COLQ: variants seen among roughly 807,000 people sequenced by gnomAD.
The protein encoded by COLQ is acetylcholinesterase collagenic tail peptide.
A neutral mutation model predicts 69.0 loss-of-function variants in COLQ; 48 were observed. That is an observed-to-expected ratio of 0.70 (90% confidence interval 0.55 to 0.88). The LOEUF is 0.88. Among genes scored for constraint, COLQ ranks in the 40% least tolerant of loss-of-function variants. The probability of loss-of-function intolerance (pLI) is 0.00; values close to 1 mark genes in which losing one functional copy is unlikely to be tolerated. For missense variants in COLQ, 618 were observed against 594.6 expected (o/e 1.04, Z -0.41); for synonymous variants, 217 against 211.2 (o/e 1.03, Z -0.24).
intron 14 of COLQ, among the ~76,000 whole-genome samples, 179 bp from the exon 15 acceptor site, chr3:15,456,198 G>C (rs991543462): frequency 1.3e-5 from 2 of 150,768 alleles, no homozygotes; most frequent in Admixed American, 1.3e-4. Flanking sequence ...TAAATGTTGG[G>C]TCAGATCAAG....
chr3:15,452,577 C>G (rs1270747236), intron 16 of COLQ, among the ~76,000 whole-genome samples: 2 of 151,996 alleles, frequency 1.3e-5, no homozygotes, highest in African/African-American at 4.8e-5. Context: ...CGTGGGGGAG[C>G]CCTGGGCTCT....
At chr3:15,489,444 G>T in intron 2 of COLQ, 81 bp downstream of exon 2, 1 of 1,292,460 alleles carries the variant, frequency 7.7e-7, no homozygotes, top group Non-Finnish European at 1.1e-6. Context: ...CTCAGGTGGA[G>T]TGGGGCAGGC....
At chr3:15,499,007 A>AT in intron 1 of COLQ, 14 of 1,051,232 alleles carry the variant, frequency 1.3e-5, no homozygotes, top group South Asian at 2.8e-5. Context: ...TGCTCTGGTA[A>AT]GCCTCAAAGT....
intron 11 of COLQ, among the ~76,000 whole-genome samples, chr3:15,467,012 G>C (rs555112078): frequency 6.6e-6 from 1 of 152,312 alleles, no homozygotes; most frequent in African/African-American, 2.4e-5. Context: ...TGACCTTCCT[G>C]GATGGAGTCA....
rs1244077040 is a variant in COLQ, at chr3:15,465,230, A to ATTTT, written c.814+1107_814+1110dup. Among the ~76,000 whole-genome samples the ATTTT allele has an allele frequency of 3.2e-4, 41 of 128,472 alleles. 1 individual carries two copies. Among genetic ancestry groups the ATTTT allele is most frequent in the East Asian group, 1.9e-3 (9 of 4,618 alleles). The allele number at this position is 128,472 out of a possible 152,430, so 84.3% of individuals were successfully genotyped here. A position where few individuals can be genotyped will look rare whatever the true frequency, so the allele number is the denominator to read the frequency against. ...TGCCCTTCTCAATAACAGACTTTAT[A>ATTTT]TTTTGATTTATTTATTTATTTATTT... On this transcript the variant is annotated intron_variant, in intron 12 of 16. Coordinates refer to ENST00000383788, the MANE Select transcript of COLQ (RefSeq NM_005677.4).
chr3:15,464,795 T>C (rs559671234), intron 12 of COLQ, among the ~76,000 whole-genome samples: 34 of 152,338 alleles, frequency 2.2e-4, no homozygotes, highest in Admixed American at 5.9e-4. Flanking sequence ...ACTGTCTTTA[T>C]ACAGTTGATG....
At chr3:15,521,413 A>G in intron 1 of COLQ, 107 bp downstream of exon 1, 1 of 1,462,818 alleles carries the variant, frequency 6.8e-7, no homozygotes, top group Non-Finnish European at 9.3e-7. Context: ...ACCTCCCTCC[A>G]CCAACAGTTG....
At chr3:15,500,148 A>T (rs2062811858) in intron 1 of COLQ, among the ~76,000 whole-genome samples, 1 of 152,196 alleles carries the variant, frequency 6.6e-6, no homozygotes, top group Non-Finnish European at 1.5e-5. Flanking sequence ...GATACTTGAA[A>T]GCAGAGACTT....
At chr3:15,518,924 T>C (rs770351106) in intron 1 of COLQ, among the ~76,000 whole-genome samples, 3 of 152,236 alleles carry the variant, frequency 2.0e-5, no homozygotes, top group Non-Finnish European at 4.4e-5. Context: ...TTATTTTCTG[T>C]GTATACACAG....
chr3:15,459,869 A>T (rs1475167781), intron 12 of COLQ, among the ~76,000 whole-genome samples: 1 of 152,034 alleles, frequency 6.6e-6, no homozygotes, highest in Non-Finnish European at 1.5e-5. Context: ...ATATGTATAC[A>T]TGTGCTAGGC....
chr3:15,479,502 C>T, intron 3 of COLQ, 120 bp from the exon 4 acceptor site: 1 of 957,450 alleles, frequency 1.0e-6, no homozygotes, highest in South Asian at 1.3e-5. Context: ...AGATGTAGGG[C>T]TCCAGGGACC....
chr3:15,516,088 T>G (rs578253716), intron 1 of COLQ, among the ~76,000 whole-genome samples: 2 of 152,296 alleles, frequency 1.3e-5, no homozygotes, highest in East Asian at 3.9e-4. Flanking sequence ...CGCAGAGGCT[T>G]GGGATGGGGT....
At chr3:15,471,116 C>T (rs186844204) in intron 10 of COLQ, among the ~76,000 whole-genome samples, 6 of 152,324 alleles carry the variant, frequency 3.9e-5, no homozygotes, top group Admixed American at 3.9e-4. Context: ...GAAGTTTCTA[C>T]TCATTTAATG....
chr3:15,517,132 G>C (rs528202047), intron 1 of COLQ, among the ~76,000 whole-genome samples: 9 of 152,282 alleles, frequency 5.9e-5, no homozygotes, highest in African/African-American at 1.9e-4. Flanking sequence ...AACAGAGCGA[G>C]ACCCTGTCTC....
rs2061943545 is a variant in COLQ, at chr3:15,451,643, C to G, written c.*1G>C. On this transcript the variant is annotated 3_prime_UTR_variant, in exon 17 of 17. Coordinates refer to ENST00000383788, the MANE Select transcript of COLQ (RefSeq NM_005677.4). ...CGCAGCCCACCTTCTCCTCACGGCC[C>G]TCAGGTGAAGTAGCGGCAGGGCGTG... The G allele has an allele frequency of 5.6e-6, 9 of 1,614,198 alleles. No homozygotes were observed. The highest frequency in any genetic ancestry group is 7.6e-6 in the Non-Finnish European group (9 of 1,179,988).
Position 15,451,757 on chromosome 3 carries a change from G to A in COLQ, c.1299-44C>T, listed in dbSNP as rs746185410. The A allele has an allele frequency of 5.2e-6, 8 of 1,535,900 alleles. No individual in the cohort carries two copies. In the South Asian group the frequency reaches 7.8e-5, roughly 15 times the overall value. ...CGTTCTAAAAGGCCACCTCTTATATGCTGGTGACTTCCGGTCAAACCTTAT... is the reference window on the plus strand; with the variant it reads ...CGTTCTAAAAGGCCACCTCTTATATACTGGTGACTTCCGGTCAAACCTTAT... On this transcript the variant is annotated intron_variant, in intron 16 of 16. Coordinates refer to ENST00000383788, the MANE Select transcript of COLQ (RefSeq NM_005677.4).
At position 15,473,615 on chromosome 3, in the gene COLQ, A is replaced by T. The variant is rs538354129; in HGVS notation, c.636+385T>A. 7.2e-4 allele frequency among the ~76,000 whole-genome samples: 110 copies of T among 152,320 alleles called. No individual in the cohort carries two copies. The highest frequency in any genetic ancestry group is 2.4e-3 in the African/African-American group (101 of 41,568). On this transcript the variant is annotated intron_variant, in intron 10 of 16. Transcript: ENST00000383788. This position sits in a 1 kb window ranked among gnomAD's most constrained non-coding sequence, Gnocchi z 4.0. The stretch of plus-strand genomic sequence containing the variant: ...TAAGCTAAAGACACCTGTGCCTTAC[A>T]CTGAGGCCTGTGTGCTGACAGGGGC...
chr3:15,500,083 G>A (rs2062811088), intron 1 of COLQ, among the ~76,000 whole-genome samples: 1 of 152,206 alleles, frequency 6.6e-6, no homozygotes, highest in Non-Finnish European at 1.5e-5. Flanking sequence ...TTGAGGGGTA[G>A]AGGGTCCAAG....
intron 11 of COLQ, among the ~76,000 whole-genome samples, chr3:15,468,749 CA>C (rs759564534): frequency 5.3e-5 from 8 of 152,190 alleles, no homozygotes; most frequent in Admixed American, 4.6e-4. Flanking sequence ...GGTCTCAACT[CA>C]ACTCTCTGGA....
Sources: allele counts gnomAD v4.1 joint callset (sites outside exome capture counted in the v4.1 genomes callset), GRCh38; gene constraint gnomAD v4.1.1; non-coding constraint Gnocchi (gnomAD v3.1); transcripts MANE v1.5; gene names NCBI Gene and HGNC (gene_info 2026-07-23, HGNC 2026-07-21).